The following ERG variants were observed in gnomAD, a reference collection of about 807,000 sequenced individuals.
The protein encoded by ERG is ETS transcription factor ERG.
A neutral mutation model predicts 55.3 loss-of-function variants in ERG; 9 were observed. That is an observed-to-expected ratio of 0.16 (90% confidence interval 0.10 to 0.28). The LOEUF is 0.28. ERG is among the 10% of genes least tolerant of loss of function. The pLI is 1.00. For synonymous variants in ERG, 223 were observed against 237.3 expected, an observed-to-expected ratio of 0.94 and a Z score of 0.55; for missense variants, 434 against 631.6, an observed-to-expected ratio of 0.69 and a Z score of 3.35.
intron 2 of ERG, among the ~76,000 whole-genome samples, chr21:38,556,590 C>T (rs1168652992): frequency 6.6e-6 from 1 of 152,048 alleles, no homozygotes; most frequent in African/African-American, 2.4e-5. Context: ...TCCTTTGCAG[C>T]CAGGTGTGGT....
intron 2 of ERG, among the ~76,000 whole-genome samples, chr21:38,569,765 C>CT (rs2146852481): frequency 6.6e-6 from 1 of 152,052 alleles, no homozygotes; most frequent in South Asian, 2.1e-4. Context: ...CCTTATTTTT[C>CT]TTTTCAACAC....
At chr21:38,545,340 A>G (rs1446305431) in intron 2 of ERG, among the ~76,000 whole-genome samples, 1 of 151,716 alleles carries the variant, frequency 6.6e-6, no homozygotes, top group East Asian at 1.9e-4. Context: ...CTCCCCCTTC[A>G]CTCTTGACTC....
chr21:38,443,654 G>A (rs2058862322), intron 2 of ERG, among the ~76,000 whole-genome samples: 1 of 152,110 alleles, frequency 6.6e-6, no homozygotes, highest in South Asian at 2.1e-4. Context: ...TAGGATTTAT[G>A]GGTAAAAAAT....
rs563039521 is a variant in ERG, at chr21:38,440,388, G to A, written c.236+5016C>T. 1.5e-3 allele frequency among the ~76,000 whole-genome samples: 231 copies of A among 152,314 alleles called. 1 individual carries two copies. The highest frequency in any genetic ancestry group is 0.012 in the East Asian group (62 of 5,184). On this transcript the variant is annotated intron_variant, in intron 2 of 9. Coordinates refer to ENST00000288319, the MANE Select transcript of ERG (RefSeq NM_182918.4). ...TGAGCCCCTCCGTGGCAGAATCTGC[G>A]TCTCCGTGAACCCTGCCTCTGCCCT... is the stretch of plus-strand genomic sequence containing the variant.
At chr21:38,600,153 G>A (rs2146909511) in intron 1 of ERG, among the ~76,000 whole-genome samples, 1 of 152,326 alleles carries the variant, frequency 6.6e-6, no homozygotes, top group East Asian at 1.9e-4. Context: ...CAGATACAAG[G>A]AGATCCAAAC....
At chr21:38,572,528 T>A (rs1208742365) in intron 2 of ERG, among the ~76,000 whole-genome samples, 1 of 152,206 alleles carries the variant, frequency 6.6e-6, no homozygotes, top group Non-Finnish European at 1.5e-5. Flanking sequence ...CCAACTTTGT[T>A]GTCAAGAACC....
At chr21:38,623,494 C>A (rs115448816) in intron 1 of ERG, among the ~76,000 whole-genome samples, 1 of 152,324 alleles carries the variant, frequency 6.6e-6, no homozygotes, top group African/African-American at 2.4e-5. Context: ...CCTCTGAAAT[C>A]TTCATCAAAT....
intron 2 of ERG, among the ~76,000 whole-genome samples, chr21:38,528,454 T>C (rs2059646902): frequency 3.7e-5 from 1 of 27,330 alleles, no homozygotes; most frequent in Non-Finnish European, 9.7e-5. Context: ...TTTTTTTTTT[T>C]TTTTTTTTTT....
chr21:38,460,958 T>C lies in ERG; in HGVS notation c.19-15337A>G, dbSNP rs1180518797. 6.6e-6 allele frequency among the ~76,000 whole-genome samples: 1 copy of C among 152,238 alleles called. No homozygotes were observed. Among genetic ancestry groups the C allele is most frequent in the Non-Finnish European group, 1.5e-5 (1 of 68,042 alleles). On this transcript the variant is annotated intron_variant, in intron 1 of 9. Transcript: ENST00000288319. This position sits in a 1 kb window ranked among gnomAD's most constrained non-coding sequence, Gnocchi z 5.0. ...TCCCAGAGCTCTATCTGGTAGAACG[T>C]GTCTCCATATTAATAAGCAGTGAAT...
chr21:38,533,464 T>A lies in ERG; in HGVS notation c.-41+42198A>T, dbSNP rs2059686938. Among the ~76,000 whole-genome samples, 5 of 152,220 alleles carry A rather than the reference T, an allele frequency of 3.3e-5. 1 individual carries two copies. In the South Asian group the frequency reaches 1.0e-3, roughly 32 times the overall value. ...CTTCAATCCTCTAAAATGAAGGTTTTGAAGATGCTTGCCAATGGAACGTTG... is the reference window on the plus strand; with the variant it reads ...CTTCAATCCTCTAAAATGAAGGTTTAGAAGATGCTTGCCAATGGAACGTTG... On this transcript the variant is annotated intron_variant, in intron 2 of 8. Coordinates refer to the ERG transcript ENST00000398897.
rs1988093532 is a variant in ERG at position 38,394,083 on chromosome 21, T to C, written c.746-1639A>G. Among the ~76,000 whole-genome samples, 3 of 152,192 alleles carry C rather than the reference T, an allele frequency of 2.0e-5. No individual in the cohort carries two copies. In the South Asian group the frequency reaches 6.2e-4, roughly 32 times the overall value. ...ATAAACTGGACAGCCAGAGTTTCAA[T>C]TTGCAAATTGTCTCAGAAAGAAAAA... On this transcript the variant is annotated intron_variant, in intron 6 of 9. Coordinates refer to ENST00000288319, the MANE Select transcript of ERG (RefSeq NM_182918.4).
intron 1 of ERG, among the ~76,000 whole-genome samples, chr21:38,493,406 G>A (rs2059353387): frequency 6.6e-6 from 1 of 152,168 alleles, no homozygotes; most frequent in Non-Finnish European, 1.5e-5. Context: ...AGGCCAAACA[G>A]ATACACACGG....
At chr21:38,603,806 T>C (rs2060179474) in intron 1 of ERG, among the ~76,000 whole-genome samples, 1 of 152,050 alleles carries the variant, frequency 6.6e-6, no homozygotes, top group Non-Finnish European at 1.5e-5. Flanking sequence ...TGAAGTCACA[T>C]TCTTTTGAAA....
intron 4 of ERG, 147 bp downstream of exon 4, chr21:38,403,359 T>C: frequency 1.3e-6 from 1 of 747,042 alleles, no homozygotes; most frequent in Non-Finnish European, 2.3e-6. Flanking sequence ...AGTCATCACA[T>C]ACCAAGCATG....
At position 38,383,177 on chromosome 21, in the gene ERG, A is replaced by G. The variant is rs80150100; in HGVS notation, c.*226T>C. On this transcript the variant is annotated 3_prime_UTR_variant, in exon 10 of 10. Coordinates refer to ENST00000288319, the MANE Select transcript of ERG (RefSeq NM_182918.4). The surrounding 1 kb of genome is among the most constrained non-coding windows in gnomAD (Gnocchi z 5.7). The stretch of plus-strand genomic sequence containing the variant: ...TGTCTTTTACAAGGTCAGTCCACAG[A>G]TGATATGTCCATATTCGTGACATTT... 1,631 of 1,259,054 alleles carry G rather than the reference A, an allele frequency of 1.3e-3. 2 individuals are homozygous for G. The highest frequency in any genetic ancestry group is 1.5e-3 in the Non-Finnish European group (1,536 of 1,002,728). 78.0% of individuals were successfully genotyped at this position (1,259,054 alleles called of 1,614,324 possible).
At chr21:38,373,214 A>G in the ERG span, among the ~76,000 whole-genome samples, 1 of 152,182 alleles carries the variant, frequency 6.6e-6, no homozygotes, top group East Asian at 1.9e-4. Flanking sequence ...CTAGGTCCCC[A>G]TTGCTTGTGA....
chr21:38,616,356 C>A (rs1178581785), intron 1 of ERG, among the ~76,000 whole-genome samples: 1 of 152,070 alleles, frequency 6.6e-6, no homozygotes, highest in African/African-American at 2.4e-5. Flanking sequence ...TACGGCAAAG[C>A]ACCTAGTGAA....
intron 1 of ERG, among the ~76,000 whole-genome samples, chr21:38,480,712 A>G (rs1009635714): frequency 6.8e-6 from 1 of 147,586 alleles, no homozygotes; most frequent in Admixed American, 7.0e-5. Context: ...GAAATTTTCA[A>G]AGTAATACTA....
intron 1 of ERG, among the ~76,000 whole-genome samples, chr21:38,633,252 CT>C (rs2060367938): frequency 6.6e-6 from 1 of 152,096 alleles, no homozygotes; most frequent in Non-Finnish European, 1.5e-5. Flanking sequence ...TTATTGTTTG[CT>C]GAGTGTAGAG....
Sources: gnomAD v4.1 joint callset for allele counts (sites outside exome capture counted in the v4.1 genomes callset) on GRCh38, gnomAD v4.1.1 for gene constraint, Gnocchi (gnomAD v3.1) non-coding constraint, MANE v1.5 for transcripts, NCBI Gene and HGNC (gene_info 2026-07-23, HGNC 2026-07-21) for gene names.